Variants in ALKBH5 observed in about 807,000 individuals in gnomAD.
ALKBH5 encodes the protein RNA demethylase ALKBH5.
ALKBH5 carries 2 observed loss-of-function variants against 32.1 expected under a neutral mutation model. The observed-to-expected ratio is 0.06, with a 90% confidence interval of 0.03 to 0.20. The LOEUF (loss-of-function observed/expected upper bound fraction) is 0.20. Ranked by LOEUF, ALKBH5 falls within the 10% of genes least tolerant of loss-of-function variation. ALKBH5 has a pLI of 1.00. For missense variants in ALKBH5, 352 were observed against 559.5 expected (o/e 0.63, Z 3.74); for synonymous variants, 300 against 231.7 (o/e 1.29, Z -2.68).
At chr17:18,207,246 C>T (rs2047274358) in intron 3 of ALKBH5, among the ~76,000 whole-genome samples, 3 of 152,136 alleles carry the variant, frequency 2.0e-5, no homozygotes, top group African/African-American at 7.2e-5. Flanking sequence ...CACCCAGACA[C>T]CCTTGTGGAA....
intron 2 of ALKBH5, among the ~76,000 whole-genome samples, chr17:18,201,824 GATA>G (rs2047241537): frequency 7.9e-6 from 1 of 126,800 alleles, no homozygotes; most frequent in Non-Finnish European, 1.8e-5. Context: ...TAGATAGATA[GATA>G]GATAGATAGA....
chr17:18,190,092 C>G (rs2047164724), intron 1 of ALKBH5, among the ~76,000 whole-genome samples: 1 of 152,204 alleles, frequency 6.6e-6, no homozygotes, highest in South Asian at 2.1e-4. Context: ...AGACAGTCAC[C>G]AGGCTGGGAT....
intron 2 of ALKBH5, among the ~76,000 whole-genome samples, chr17:18,196,619 TACTACATA>T (rs1171444202): frequency 1.3e-5 from 2 of 152,256 alleles, no homozygotes; most frequent in African/African-American, 4.8e-5. Context: ...ATGCCATTTT[TACTACATA>T]ACCAAGAATA....
At chr17:18,206,012 A>G (rs1334162784) in intron 2 of ALKBH5, among the ~76,000 whole-genome samples, 1 of 152,048 alleles carries the variant, frequency 6.6e-6, no homozygotes, top group Non-Finnish European at 1.5e-5. Context: ...CCACACAAGG[A>G]GCCTGAGGGC....
rs146123892 is a variant in ALKBH5, at chr17:18,194,760, G to T, written c.771-195G>T. Among the ~76,000 whole-genome samples the T allele has an allele frequency of 3.7e-4, 57 of 152,260 alleles. No homozygotes were observed. In the East Asian group the frequency reaches 0.011, roughly 29 times the overall value. ...TTTGTGTCATACCAGGTTTTTCCTTGAGTATTACAGTCTCTTGGCAAAAGC... is the reference window on the plus strand; with the variant it reads ...TTTGTGTCATACCAGGTTTTTCCTTTAGTATTACAGTCTCTTGGCAAAAGC... On this transcript the variant is annotated intron_variant, in intron 1 of 3. Transcript: ENST00000399138.
intron 2 of ALKBH5, among the ~76,000 whole-genome samples, chr17:18,202,515 G>A (rs749304969): frequency 3.9e-5 from 6 of 152,162 alleles, no homozygotes; most frequent in Non-Finnish European, 7.3e-5. Context: ...AAATAGGCAA[G>A]AGGGTGCTTG....
chr17:18,205,668 A>G (rs527767692), intron 2 of ALKBH5, among the ~76,000 whole-genome samples: 2 of 152,318 alleles, frequency 1.3e-5, no homozygotes, highest in East Asian at 3.9e-4. Flanking sequence ...ACAGTAGGCC[A>G]GCCAGTGGAA....
chr17:18,191,961 A>G (rs921341767), intron 1 of ALKBH5, among the ~76,000 whole-genome samples: 1 of 151,926 alleles, frequency 6.6e-6, no homozygotes, highest in African/African-American at 2.4e-5. Flanking sequence ...AAAAAAAAAA[A>G]AAGTGCCTTT....
At chr17:18,191,737 A>G (rs2047176031) in intron 1 of ALKBH5, among the ~76,000 whole-genome samples, 4 of 152,092 alleles carry the variant, frequency 2.6e-5, no homozygotes, top group Admixed American at 2.6e-4. Flanking sequence ...TGGGAGGCCG[A>G]GGTGGGTGGA....
intron 1 of ALKBH5, among the ~76,000 whole-genome samples, chr17:18,187,384 G>A (rs2047145587): frequency 6.6e-6 from 1 of 152,102 alleles, no homozygotes; most frequent in Non-Finnish European, 1.5e-5. Context: ...AGGGTGCTCT[G>A]GTGAACTCTA....
At position 18,183,874 on chromosome 17, in the gene ALKBH5, C is replaced by G; in HGVS notation, c.-370C>G. ...CGCTGGCGGACGTCGGGCTGGCTGC[C>G]CGTGACGTCGTGCGGAGAGCTTTAA... On this transcript the variant is annotated 5_prime_UTR_variant, in exon 1 of 4. Coordinates refer to ENST00000399138, the MANE Select transcript of ALKBH5 (RefSeq NM_017758.4). 1 of 375,760 alleles carries G rather than the reference C, an allele frequency of 2.7e-6. No homozygotes were observed. The highest frequency in any genetic ancestry group is 5.1e-6 in the Non-Finnish European group (1 of 197,660). The allele number at this position is 375,760 out of a possible 1,614,324, so 23.3% of individuals were successfully genotyped here. A position where few individuals can be genotyped will look rare whatever the true frequency, so the allele number is the denominator to read the frequency against.
Position 18,209,397 on chromosome 17 carries a change from T to C in ALKBH5, c.*1001T>C, listed in dbSNP as rs149349919. 6.4e-3 allele frequency: 972 copies of C among 152,666 alleles called. 6 individuals carry two copies. The highest frequency in any genetic ancestry group is 0.02 in the Middle Eastern group (6 of 294). 9.5% of individuals were successfully genotyped at this position (152,666 alleles called of 1,614,324 possible). A position where few individuals can be genotyped will look rare whatever the true frequency, so the allele number is the denominator to read the frequency against. The stretch of plus-strand genomic sequence containing the variant: ...GGGCCTCATCCTCATGTCATCCTTC[T>C]AGGAAGGCGCCTGCCCCATCTTGTC... On this transcript the variant is annotated 3_prime_UTR_variant, in exon 4 of 4. Coordinates refer to ENST00000399138, the MANE Select transcript of ALKBH5 (RefSeq NM_017758.4).
intron 1 of ALKBH5, among the ~76,000 whole-genome samples, chr17:18,188,587 G>C (rs1048021780): frequency 1.3e-5 from 2 of 152,242 alleles, no homozygotes; most frequent in African/African-American, 4.8e-5. Context: ...TTCCACTGGA[G>C]GGGGAGGAAC....
rs552739697 is a variant in ALKBH5, at chr17:18,194,369, G to A, written c.771-586G>A. On this transcript the variant is annotated intron_variant, in intron 1 of 3. Coordinates refer to ENST00000399138, the MANE Select transcript of ALKBH5 (RefSeq NM_017758.4). ...GGGTTTCGCCATGTTGGCCAGGCTG[G>A]TCTCGAACTCCTGATTTCAGGTGAT... 1.6e-4 allele frequency among the ~76,000 whole-genome samples: 25 copies of A among 152,272 alleles called. No individual in the cohort carries two copies. The South Asian group carries it at 5.2e-3, about 32-fold the overall frequency.
intron 1 of ALKBH5, 35 bp downstream of exon 1, chr17:18,185,048 C>G (rs759473818): frequency 3.2e-6 from 5 of 1,584,598 alleles, no homozygotes; most frequent in Non-Finnish European, 4.3e-6. Context: ...GGCCCTGCGC[C>G]TGCTGCCTTA....
chr17:18,198,701 T>C (rs2047218798), intron 2 of ALKBH5, among the ~76,000 whole-genome samples: 1 of 152,122 alleles, frequency 6.6e-6, no homozygotes, highest in Non-Finnish European at 1.5e-5. Context: ...GCTGGAAAGG[T>C]CTTTCTAAGG....
At chr17:18,196,133 C>T (rs368562559) in intron 2 of ALKBH5, among the ~76,000 whole-genome samples, 2 of 151,912 alleles carry the variant, frequency 1.3e-5, no homozygotes, top group East Asian at 1.9e-4. Context: ...GATCATCCTA[C>T]GTTACATTTA....
Position 18,184,375 on chromosome 17 carries a change from CGCCGCT to C in ALKBH5, c.138_143del (p.Ala47_Ala48del). 1.3e-6 allele frequency: 2 copies of C among 1,518,210 alleles called. No homozygotes were observed. The highest frequency in any genetic ancestry group is 8.8e-7 in the Non-Finnish European group (1 of 1,135,874). 94.0% of individuals were successfully genotyped at this position (1,518,210 alleles called of 1,614,324 possible). On this transcript the variant is annotated inframe_deletion, in exon 1 of 4. Transcript: ENST00000399138. ...CCGCCGTAGCCGCCGCAGCCGCAGCCGCCGCTGCCGCCGAACCTTACCCTGTGTCCG... is the reference window on the plus strand; with the variant it reads ...CCGCCGTAGCCGCCGCAGCCGCAGCCGCCGCCGAACCTTACCCTGTGTCCG...
chr17:18,188,446 C>A (rs917861597), intron 1 of ALKBH5, among the ~76,000 whole-genome samples: 6 of 152,366 alleles, frequency 3.9e-5, no homozygotes, highest in African/African-American at 1.4e-4. Flanking sequence ...GGAGTGGGCA[C>A]CCCTGTCAGT....
Sources: allele counts gnomAD v4.1 joint callset (sites outside exome capture counted in the v4.1 genomes callset), GRCh38; gene constraint gnomAD v4.1.1; transcripts MANE v1.5; gene names NCBI Gene and HGNC (gene_info 2026-07-23, HGNC 2026-07-21).